The following ANG variants were observed in gnomAD, a reference collection of about 807,000 sequenced individuals.
ANG encodes Homo sapiens epididymis luminal protein 168.
For missense variants in ANG, 178 were observed against 187.4 expected, an observed-to-expected ratio of 0.95 and a Z score of 0.29; for synonymous variants, 74 against 73.8, an observed-to-expected ratio of 1.00 and a Z score of -0.02.
intron 1 of ANG, among the ~76,000 whole-genome samples, chr14:20,690,221 C>CAAAAAAA (rs36091065): frequency 3.1e-4 from 21 of 67,970 alleles, no homozygotes; most frequent in African/African-American, 7.8e-4. Flanking sequence ...GACTCCGTCT[C>CAAAAAAA]AAAAAAAAAA....
chr14:20,690,882 C>G (rs12100929), intron 1 of ANG, among the ~76,000 whole-genome samples: 34,702 of 152,134 alleles, frequency 0.23, 5,054 homozygotes, highest in African/African-American at 0.42. Flanking sequence ...CAAGTAAATA[C>G]TTCATTGTTC....
intron 1 of ANG, among the ~76,000 whole-genome samples, chr14:20,692,789 GC>G (rs1184035915): frequency 2.6e-5 from 4 of 152,100 alleles, no homozygotes; most frequent in African/African-American, 9.7e-5. Context: ...GTACATTGAA[GC>G]CCCCATCTTT....
upstream of ANG, among the ~76,000 whole-genome samples, chr14:20,686,419 A>C (rs1395324388): frequency 6.6e-6 from 1 of 152,232 alleles, no homozygotes; most frequent in Non-Finnish European, 1.5e-5. Flanking sequence ...TGTGACTCAA[A>C]TTAAAGTAGC....
intron 1 of ANG, among the ~76,000 whole-genome samples, chr14:20,692,982 G>A (rs990265186): frequency 6.6e-6 from 1 of 151,520 alleles, no homozygotes; most frequent in South Asian, 2.1e-4. Flanking sequence ...CGAGTAGCTG[G>A]GACTACAGGC....
chr14:20,688,034 A>G (rs553934516), upstream of ANG, among the ~76,000 whole-genome samples: 6 of 152,336 alleles, frequency 3.9e-5, no homozygotes, highest in African/African-American at 1.2e-4. Context: ...GTTTTTACGC[A>G]AGCAATGGAT....
At chr14:20,689,979 G>T (rs1481992198) in intron 1 of ANG, among the ~76,000 whole-genome samples, 9 of 149,874 alleles carry the variant, frequency 6.0e-5, no homozygotes, top group Non-Finnish European at 1.3e-4. Flanking sequence ...ACTTTGGGAG[G>T]CCGAGGCGGG....
chr14:20,689,591 A>T (rs1886600814), intron 1 of ANG, among the ~76,000 whole-genome samples: 1 of 152,188 alleles, frequency 6.6e-6, no homozygotes, highest in Admixed American at 6.5e-5. Context: ...ATACTAACAG[A>T]TTCATTTGAT....
At chr14:20,688,615 T>A (rs999762207), upstream of ANG, 33 of 849,120 alleles carry the variant, frequency 3.9e-5, no homozygotes, top group Non-Finnish European at 4.7e-5. Context: ...AAATCTCTAA[T>A]CCATTCAGGT....
At chr14:20,688,616 C>A, upstream of ANG, 2 of 849,858 alleles carry the variant, frequency 2.4e-6, no homozygotes, top group Non-Finnish European at 1.4e-6. Context: ...AATCTCTAAT[C>A]CATTCAGGTG....
At chr14:20,688,578 T>A, upstream of ANG, 1 of 591,382 alleles carries the variant, frequency 1.7e-6, no homozygotes, top group Non-Finnish European at 2.1e-6. Flanking sequence ...CAGAAGGCCA[T>A]GTTTCTCAAA....
chr14:20,687,089 C>G (rs2139000748), upstream of ANG, among the ~76,000 whole-genome samples: 1 of 152,284 alleles, frequency 6.6e-6, no homozygotes. Context: ...ATTGGCGATT[C>G]CTTCATTTGT....
At chr14:20,687,123 G>A (rs368140290), upstream of ANG, among the ~76,000 whole-genome samples, 5 of 152,330 alleles carry the variant, frequency 3.3e-5, no homozygotes, top group East Asian at 7.7e-4. Flanking sequence ...ACAAAGATGT[G>A]ATGTTCCTTA....
chr14:20,691,727 C>A (rs1181780272), intron 1 of ANG, among the ~76,000 whole-genome samples: 1 of 152,134 alleles, frequency 6.6e-6, no homozygotes, highest in East Asian at 1.9e-4. Flanking sequence ...TTTCATTCCA[C>A]AATAATGGAG....
chr14:20,691,607 A>G (rs927282039), intron 1 of ANG, among the ~76,000 whole-genome samples: 10 of 152,212 alleles, frequency 6.6e-5, no homozygotes, highest in African/African-American at 2.2e-4. Context: ...CACTTTCAGC[A>G]TGGAATTTCA....
At position 20,694,040 on chromosome 14, in the gene ANG, C is replaced by T. The variant is rs199849853; in HGVS notation, c.*32C>T. On this transcript the variant is annotated 3_prime_UTR_variant, in exon 2 of 2. Transcript: ENST00000397990. ...GGCCCCTGGTCAAGTGCTGGCTCTG[C>T]TGTCCTTGCCTTCCATTTCCCCTCT... 1.9e-6 allele frequency: 3 copies of T among 1,612,382 alleles called. No individual in the cohort carries two copies. Among genetic ancestry groups the T allele is most frequent in the Admixed American group, 1.7e-5 (1 of 60,002 alleles).
intron 1 of ANG, among the ~76,000 whole-genome samples, chr14:20,692,916 C>T (rs1042082332): frequency 6.6e-6 from 1 of 152,062 alleles, no homozygotes; most frequent in Non-Finnish European, 1.5e-5. Flanking sequence ...GGCGCGATCT[C>T]GGCTCACTGC....
At chr14:20,686,740 G>C (rs1451851181), upstream of ANG, among the ~76,000 whole-genome samples, 1 of 152,208 alleles carries the variant, frequency 6.6e-6, no homozygotes, top group East Asian at 1.9e-4. Context: ...TGCCACGTGT[G>C]CTTTTCCTTC....
At chr14:20,693,099 G>A (rs12881261) in intron 1 of ANG, among the ~76,000 whole-genome samples, 18,185 of 151,666 alleles carry the variant, frequency 0.12, 1,182 homozygotes, top group African/African-American at 0.14. Context: ...CGCCCGCCTT[G>A]GCCTCCCAAA....
chr14:20,693,573 G>A lies in ANG; in HGVS notation c.9G>A (p.Met3Ile), dbSNP rs766649220. The change falls in exon 2 of 2, where the codon ATG (methionine) becomes ATA (isoleucine). Residue 3 changes from methionine to isoleucine, a missense_variant. Coordinates refer to ENST00000397990, the MANE Select transcript of ANG (RefSeq NM_001097577.3). ...AGCCTGTGTTGGAAGAGATGGTGAT[G>A]GGCCTGGGCGTTTTGTTGTTGGTCT... MVMGLGVLLLVFV... is the reference protein window; with the variant it reads MVIGLGVLLLVFV... 1.9e-6 allele frequency: 3 copies of A among 1,612,568 alleles called. No individual in the cohort carries two copies. The Admixed American group carries it at 5.0e-5, about 27-fold the overall frequency.
Sources: gnomAD v4.1 joint callset for allele counts (sites outside exome capture counted in the v4.1 genomes callset) on GRCh38, gnomAD v4.1.1 for gene constraint, MANE v1.5 for transcripts, NCBI Gene and HGNC (gene_info 2026-07-23, HGNC 2026-07-21) for gene names.